Variants in UBAP2 observed in about 807,000 individuals in gnomAD.
UBAP2 encodes the protein ubiquitin associated protein 2.
A neutral mutation model predicts 139.6 loss-of-function variants in UBAP2; 75 were observed. The ratio of observed to expected loss-of-function variants is 0.54; its 90% CI spans 0.45 to 0.65. The LOEUF is 0.65. UBAP2 is among the 30% of genes least tolerant of loss of function. UBAP2 has a pLI of 0.00. For missense variants in UBAP2, 1,368 were observed against 1,369.6 expected, an observed-to-expected ratio of 1.00 and a Z score of 0.02; for synonymous variants, 526 against 526.2, an observed-to-expected ratio of 1.00 and a Z score of 0.01.
intron 1 of UBAP2, among the ~76,000 whole-genome samples, chr9:34,033,538 T>C (rs924973526): frequency 6.6e-6 from 1 of 151,742 alleles, no homozygotes; most frequent in African/African-American, 2.4e-5. Context: ...CACTATTTGA[T>C]AGCACAATAG....
chr9:33,923,863 A>G lies in UBAP2; in HGVS notation c.2728T>C (p.Tyr910His). The G allele has an allele frequency of 6.2e-7, 1 of 1,614,226 alleles. No homozygotes were observed. Among genetic ancestry groups the G allele is most frequent in the Non-Finnish European group, 8.5e-7 (1 of 1,180,034 alleles). Residue 910 changes from tyrosine (Y) to histidine (H), a missense_variant, in exon 24 of 29, where the codon TAT becomes CAT. Tyr to His is a moderately conservative substitution (Grantham distance 83). Coordinates refer to ENST00000379238, the MANE Select transcript of UBAP2 (RefSeq NM_001370062.2). Reference sequence around the variant, plus strand: ...TAGTAGGGAAGACCAGTGTAGCTATAGCCAGGTGGCAGTGCAGGATTCACG... The same window carrying G: ...TAGTAGGGAAGACCAGTGTAGCTATGGCCAGGTGGCAGTGCAGGATTCACG... ...PFVNPALPPG[Y>H]SYTGLPYYTG...
chr9:34,016,279 GAA>G (rs1824287961), intron 2 of UBAP2, among the ~76,000 whole-genome samples: 1 of 20,182 alleles, frequency 5.0e-5, no homozygotes, highest in Non-Finnish European at 1.4e-4. Flanking sequence ...AGAGAAGGAG[GAA>G]GAGGAGGAGG....
rs554377722 is a variant in UBAP2, at chr9:33,945,155, C to A, written c.1271-516G>T. The stretch of plus-strand genomic sequence containing the variant: ...CATCCAAAAATTAAAAAAAAAAAAA[C>A]TTATTAAGTTTTTGGACTAATTGAT... On this transcript the variant is annotated intron_variant, in intron 13 of 28. Coordinates refer to ENST00000379238, the MANE Select transcript of UBAP2 (RefSeq NM_001370062.2). Among the ~76,000 whole-genome samples, 5 of 139,686 alleles carry A rather than the reference C, an allele frequency of 3.6e-5. No individual in the cohort carries two copies. In the South Asian group the frequency reaches 1.2e-3, roughly 33 times the overall value. 91.6% of individuals were successfully genotyped at this position (139,686 alleles called of 152,430 possible).
At chr9:33,969,911 G>A (rs867737582) in intron 8 of UBAP2, among the ~76,000 whole-genome samples, 5 of 125,146 alleles carry the variant, frequency 4.0e-5, no homozygotes, top group African/African-American at 9.3e-5. Context: ...CTTAAATACC[G>A]TGTATAATTC....
intron 6 of UBAP2, among the ~76,000 whole-genome samples, chr9:33,980,807 C>A (rs1238551272): frequency 1.3e-5 from 2 of 151,062 alleles, no homozygotes; most frequent in Non-Finnish European, 2.9e-5. Context: ...ATTAGCTGGG[C>A]ATAGTAGCGT....
chr9:34,017,228 T>A (rs1824446475), intron 1 of UBAP2, 39 bp from the exon 2 acceptor site: 1 of 949,612 alleles, frequency 1.1e-6, no homozygotes, highest in East Asian at 2.9e-5. Flanking sequence ...ACAATCATAG[T>A]AAAAGATAAG....
chr9:34,020,187 A>G (rs1824803014), intron 1 of UBAP2, among the ~76,000 whole-genome samples: 2 of 150,884 alleles, frequency 1.3e-5, no homozygotes, highest in South Asian at 4.2e-4. Flanking sequence ...AGATAAACAC[A>G]CACATTAGTC....
At chr9:33,930,476 A>C (rs561312748) in intron 19 of UBAP2, among the ~76,000 whole-genome samples, 23 of 152,286 alleles carry the variant, frequency 1.5e-4, no homozygotes, top group East Asian at 5.8e-4. Context: ...ACAACAACAA[A>C]AAACCCTTAA....
chr9:33,992,616 A>G (rs1246990562), intron 4 of UBAP2, among the ~76,000 whole-genome samples: 1 of 131,312 alleles, frequency 7.6e-6, no homozygotes, highest in Non-Finnish European at 1.6e-5. Flanking sequence ...CCTCAAGCAA[A>G]GTCTTGGTTT....
chr9:33,956,558 G>A (rs1298321870), intron 10 of UBAP2, among the ~76,000 whole-genome samples: 2 of 151,888 alleles, frequency 1.3e-5, no homozygotes, highest in East Asian at 3.9e-4. Context: ...CCAATTCCTG[G>A]CCTCAAGTGA....
chr9:33,994,002 C>T (rs1294401863), intron 4 of UBAP2, among the ~76,000 whole-genome samples: 2 of 150,604 alleles, frequency 1.3e-5, no homozygotes, highest in East Asian at 3.9e-4. Context: ...TCAAGCAATT[C>T]TCCTGCCTCA....
At chr9:33,952,991 T>C (rs1350885773) in intron 12 of UBAP2, 1 of 195,294 alleles carries the variant, frequency 5.1e-6, no homozygotes, top group Non-Finnish European at 1.1e-5. Context: ...AACCTCAGCC[T>C]CCCAAGTAAC....
intron 1 of UBAP2, among the ~76,000 whole-genome samples, chr9:34,020,569 ACCAG>A (rs1824851099): frequency 6.6e-6 from 1 of 151,840 alleles, no homozygotes; most frequent in African/African-American, 2.4e-5. Flanking sequence ...CAGGTGATCC[ACCAG>A]CCTTGGCCTC....
At chr9:33,999,290 A>G (rs1564055430) in intron 2 of UBAP2, among the ~76,000 whole-genome samples, 1 of 151,812 alleles carries the variant, frequency 6.6e-6, no homozygotes, top group Non-Finnish European at 1.5e-5. Flanking sequence ...GGCAACATAG[A>G]GAGACCCTGT....
chr9:34,013,446 G>A (rs1015121749), intron 2 of UBAP2, among the ~76,000 whole-genome samples: 5 of 151,526 alleles, frequency 3.3e-5, no homozygotes, highest in Non-Finnish European at 7.4e-5. Flanking sequence ...AGCTGACATC[G>A]CACCATTGCA....
intron 6 of UBAP2, among the ~76,000 whole-genome samples, chr9:33,986,172 C>T (rs773796286): frequency 1.1e-4 from 17 of 152,066 alleles, no homozygotes; most frequent in Admixed American, 2.6e-4. Flanking sequence ...CCTGCCTTAG[C>T]CTCTCAAGTA....
At chr9:34,023,470 G>A (rs1367091518) in intron 1 of UBAP2, among the ~76,000 whole-genome samples, 1 of 152,044 alleles carries the variant, frequency 6.6e-6, no homozygotes, top group African/African-American at 2.4e-5. Flanking sequence ...ATAACTCTTT[G>A]TTATAACGCA....
chr9:33,948,029 T>C (rs929494025), intron 13 of UBAP2, among the ~76,000 whole-genome samples: 11 of 151,216 alleles, frequency 7.3e-5, no homozygotes, highest in Non-Finnish European at 1.5e-4. Context: ...CCACATTCTA[T>C]GTTCTATCAC....
rs1828028793 is a variant in UBAP2 at position 33,973,062 on chromosome 9, T to G, written c.575+121A>C. 12 of 855,634 alleles carry G rather than the reference T, an allele frequency of 1.4e-5. 1 individual carries two copies. The South Asian group carries it at 1.6e-4, about 11-fold the overall frequency. The allele number at this position is 855,634 out of a possible 1,614,324, so 53.0% of individuals were successfully genotyped here. The stretch of plus-strand genomic sequence containing the variant: ...TTATTTTTCTTATTTGTAAATCTCT[T>G]TAAGTATAGAAAACACTAGATTCAC... On this transcript the variant is annotated intron_variant, in intron 7 of 28. Transcript: ENST00000379238.
Sources: gnomAD v4.1 joint callset for allele counts (sites outside exome capture counted in the v4.1 genomes callset) on GRCh38, gnomAD v4.1.1 for gene constraint, MANE v1.5 for transcripts, NCBI Gene and HGNC (gene_info 2026-07-23, HGNC 2026-07-21) for gene names.